MLLT10: variants seen among roughly 807,000 people sequenced by gnomAD.
MLLT10 encodes the protein protein AF-10.
A neutral mutation model predicts 129.1 loss-of-function variants in MLLT10; 30 were observed. The ratio of observed to expected loss-of-function variants is 0.23; its 90% CI spans 0.17 to 0.32. The LOEUF (loss-of-function observed/expected upper bound fraction) is 0.32. Among genes scored for constraint, MLLT10 ranks in the 10% least tolerant of loss-of-function variants. MLLT10 has a pLI of 1.00. For missense variants in MLLT10, 1,119 were observed against 1,268.3 expected, an observed-to-expected ratio of 0.88 and a Z score of 1.79; for synonymous variants, 490 against 446.4, an observed-to-expected ratio of 1.10 and a Z score of -1.23.
At chr10:21,741,787 CTA>C (rs1266930732) in intron 22 of MLLT10, among the ~76,000 whole-genome samples, 150 bp from the exon 23 acceptor site, 1 of 152,150 alleles carries the variant, frequency 6.6e-6, no homozygotes, top group Non-Finnish European at 1.5e-5. Flanking sequence ...AAATTCATGT[CTA>C]TATATTACGT....
chr10:21,562,137 A>G (rs1050845884), intron 3 of MLLT10, among the ~76,000 whole-genome samples: 2 of 151,986 alleles, frequency 1.3e-5, no homozygotes, highest in Non-Finnish European at 2.9e-5. Flanking sequence ...CTTTGTAGTA[A>G]GTTTTGAAAT....
rs752128988 is a variant in MLLT10, at chr10:21,673,594, C to G, written c.1296C>G (p.Ser432Arg). The change falls in exon 11 of 23, where the codon AGC becomes AGG. Residue 432 changes from serine to arginine, a missense_variant. Coordinates refer to ENST00000307729, the MANE Select transcript of MLLT10 (RefSeq NM_001195626.3). ...STSAVTSQPK[S>R]FENSPGDLGN... ...CAGCTGTTACTTCACAGCCTAAAAGCTTTGAAAATTCACCTGGAGATTTGG... is the reference window on the plus strand; with the variant it reads ...CAGCTGTTACTTCACAGCCTAAAAGGTTTGAAAATTCACCTGGAGATTTGG... 5.6e-6 allele frequency: 9 copies of G among 1,613,172 alleles called. No individual in the cohort carries two copies. The highest frequency in any genetic ancestry group is 5.3e-5 in the African/African-American group (4 of 74,794).
intron 3 of MLLT10, among the ~76,000 whole-genome samples, chr10:21,567,816 T>G (rs1397696601): frequency 6.6e-6 from 1 of 151,498 alleles, no homozygotes; most frequent in South Asian, 2.1e-4. Flanking sequence ...TTGTTGGGGC[T>G]TCTTCTTTTT....
At chr10:21,681,521 A>G (rs1439747942) in intron 12 of MLLT10, 145 bp downstream of exon 12, 4 of 597,920 alleles carry the variant, frequency 6.7e-6, no homozygotes, top group Non-Finnish European at 1.2e-5. Context: ...TTCTCCTGCA[A>G]AGATAATGTA....
At chr10:21,695,994 G>C (rs2054324428) in intron 13 of MLLT10, among the ~76,000 whole-genome samples, 2 of 146,610 alleles carry the variant, frequency 1.4e-5, no homozygotes, top group South Asian at 4.4e-4. Flanking sequence ...TCCACTGAAA[G>C]TGTAGCTTTT....
chr10:21,541,387 A>T (rs922932716), intron 3 of MLLT10: 6 of 151,666 alleles, frequency 4.0e-5, no homozygotes, highest in African/African-American at 1.5e-4. Flanking sequence ...CACCCAGCTA[A>T]TTTTTTAATT....
intron 13 of MLLT10, among the ~76,000 whole-genome samples, chr10:21,682,462 T>G (rs1264195693): frequency 6.6e-6 from 1 of 152,234 alleles, no homozygotes; most frequent in Non-Finnish European, 1.5e-5. Flanking sequence ...AGTTTGGCTT[T>G]TATTGTTTCT....
At chr10:21,727,750 T>TA in intron 15 of MLLT10, 106 bp from the exon 16 acceptor site, 1 of 776,730 alleles carries the variant, frequency 1.3e-6, no homozygotes, top group Non-Finnish European at 2.1e-6. Flanking sequence ...ACTGCAAAGA[T>TA]AGTGGTAAAG....
chr10:21,614,531 A>G (rs2045030337), intron 6 of MLLT10, among the ~76,000 whole-genome samples: 2 of 152,248 alleles, frequency 1.3e-5, no homozygotes, highest in East Asian at 3.9e-4. Flanking sequence ...GGGGAAGAGA[A>G]TGTATCTTAA....
At chr10:21,650,766 A>G (rs2048943178) in intron 8 of MLLT10, among the ~76,000 whole-genome samples, 1 of 152,148 alleles carries the variant, frequency 6.6e-6, no homozygotes, top group South Asian at 2.1e-4. Context: ...TTAATTTTTT[A>G]TTTTATTGAA....
chr10:21,673,518 A>C lies in MLLT10; in HGVS notation c.1220A>C (p.Gln407Pro), dbSNP rs1397603593. Residue 407 changes from glutamine (Q) to proline (P), a missense_variant, in exon 11 of 23, where the codon CAG becomes CCG. By Grantham distance (76) the Gln-to-Pro change is moderately conservative. Transcript: ENST00000307729. ...KDVHKGESGS[Q>P]EGGVNSFSTL... ...GTACATAAAGGAGAGTCTGGAAGCC[A>C]GGAAGGGGGGGTAAATAGTTTTAGT... The C allele has an allele frequency of 1.2e-6, 2 of 1,613,680 alleles. No individual in the cohort carries two copies. The highest frequency in any genetic ancestry group is 1.7e-6 in the Non-Finnish European group (2 of 1,179,918).
rs1431114534 is a variant in MLLT10 at position 21,717,607 on chromosome 10, C to CTTCT, written c.1878+3659_1878+3662dup. ...CTTCCTCTTCCTCTTCTTTCTTCCTCTTCTTCCTCCTCTTCCTCCTCCTCC... is the reference window on the plus strand; with the variant it reads ...CTTCCTCTTCCTCTTCTTTCTTCCTCTTCTTTCTTCCTCCTCTTCCTCCTCCTCC... On this transcript the variant is annotated intron_variant, in intron 14 of 22. Coordinates refer to ENST00000307729, the MANE Select transcript of MLLT10 (RefSeq NM_001195626.3). Among the ~76,000 whole-genome samples, 3 of 132,590 alleles carry CTTCT rather than the reference C, an allele frequency of 2.3e-5. No homozygotes were observed. In the Admixed American group the frequency reaches 2.3e-4, roughly 10 times the overall value. The allele number at this position is 132,590 out of a possible 152,430, so 87.0% of individuals were successfully genotyped here. A position where few individuals can be genotyped will look rare whatever the true frequency, so the allele number is the denominator to read the frequency against.
chr10:21,643,298 A>G (rs1414159595), intron 8 of MLLT10, among the ~76,000 whole-genome samples: 1 of 152,030 alleles, frequency 6.6e-6, no homozygotes, highest in Non-Finnish European at 1.5e-5. Flanking sequence ...CTTCCAAAGT[A>G]CTGGGGTTAC....
At chr10:21,733,618 C>A in intron 19 of MLLT10, 26 bp downstream of exon 19, 1 of 1,492,644 alleles carries the variant, frequency 6.7e-7, no homozygotes. Context: ...TTATTTTCAT[C>A]TATGTTGATT....
At chr10:21,665,827 C>G (rs927695386) in intron 9 of MLLT10, among the ~76,000 whole-genome samples, 1 of 152,020 alleles carries the variant, frequency 6.6e-6, no homozygotes, top group East Asian at 1.9e-4. Flanking sequence ...CTCCTGGGTT[C>G]AAGCGATCTC....
chr10:21,582,109 A>T (rs77907649), intron 3 of MLLT10, among the ~76,000 whole-genome samples: 4 of 145,076 alleles, frequency 2.8e-5, no homozygotes, highest in East Asian at 4.0e-4. Flanking sequence ...GTACATTGTT[A>T]TTTTTTTTTT....
At chr10:21,601,247 C>G (rs989487771) in intron 5 of MLLT10, among the ~76,000 whole-genome samples, 6 of 152,060 alleles carry the variant, frequency 3.9e-5, no homozygotes, top group African/African-American at 1.4e-4. Flanking sequence ...TGCCTGGCCT[C>G]TTTGTGTCTT....
In MLLT10 at chr10:21,624,872, G is replaced by A. The variant is rs562381457; in HGVS notation, c.699+7665G>A. On this transcript the variant is annotated intron_variant, in intron 8 of 22. Coordinates refer to ENST00000307729, the MANE Select transcript of MLLT10 (RefSeq NM_001195626.3). ...CAGGACCCCCTCTGCCACCCCTACA[G>A]CCTCGTGGTGGTCCCAAAGGTGCCC... is the stretch of plus-strand genomic sequence containing the variant. 1.2e-4 allele frequency: 137 copies of A among 1,141,130 alleles called. No individual in the cohort carries two copies. In the Admixed American group the frequency reaches 2.7e-3, roughly 22 times the overall value. 70.7% of individuals were successfully genotyped at this position (1,141,130 alleles called of 1,614,324 possible). A position where few individuals can be genotyped will look rare whatever the true frequency, so the allele number is the denominator to read the frequency against.
intron 8 of MLLT10, among the ~76,000 whole-genome samples, chr10:21,639,577 A>T (rs1247071546): frequency 6.6e-6 from 1 of 152,186 alleles, no homozygotes; most frequent in Non-Finnish European, 1.5e-5. Flanking sequence ...GAGCTTCCCC[A>T]TCCTCTTGGG....
Sources: gnomAD v4.1 joint callset for allele counts (sites outside exome capture counted in the v4.1 genomes callset) on GRCh38, gnomAD v4.1.1 for gene constraint, MANE v1.5 for transcripts, NCBI Gene and HGNC (gene_info 2026-07-23, HGNC 2026-07-21) for gene names.